The following DMBX1 variants were observed in gnomAD, a reference collection of about 807,000 sequenced individuals.
DMBX1 encodes the protein diencephalon/mesencephalon homeobox protein 1.
A neutral mutation model predicts 30.4 loss-of-function variants in DMBX1; 7 were observed. That is an observed-to-expected ratio of 0.23 (90% CI 0.13 to 0.43). DMBX1 has a LOEUF of 0.43. Ranked by LOEUF, DMBX1 falls within the 20% of genes least tolerant of loss-of-function variation. The probability of loss-of-function intolerance (pLI) is 1.00; values close to 1 mark genes in which losing one functional copy is unlikely to be tolerated. For synonymous variants in DMBX1, 222 were observed against 214.2 expected (o/e 1.04, Z -0.32); for missense variants, 460 against 508.5 (o/e 0.90, Z 0.92).
rs1666478975 is a variant in DMBX1, at chr1:46,515,785, C to G, written c.*3291C>G. ...CCCCTCCCAGGCCTGCTGGGCCAACCTGGGCCTGAAAGCCAGAGGCTCAAG... is the reference window on the plus strand; with the variant it reads ...CCCCTCCCAGGCCTGCTGGGCCAACGTGGGCCTGAAAGCCAGAGGCTCAAG... On this transcript the variant is annotated 3_prime_UTR_variant, in exon 6 of 6. Transcript: ENST00000360032. 6.6e-6 allele frequency among the ~76,000 whole-genome samples: 1 copy of G among 152,264 alleles called. No individual in the cohort carries two copies. The highest frequency in any genetic ancestry group is 1.5e-5 in the Non-Finnish European group (1 of 68,042).
intron 2 of DMBX1, among the ~76,000 whole-genome samples, chr1:46,496,024 C>A (rs1232919203): frequency 1.3e-5 from 2 of 152,210 alleles, no homozygotes; most frequent in Non-Finnish European, 2.9e-5. Context: ...GCCTGGCCCA[C>A]CCCACCCTCT....
chr1:46,509,344 C>T (rs1264578949), intron 3 of DMBX1, among the ~76,000 whole-genome samples: 2 of 152,108 alleles, frequency 1.3e-5, no homozygotes, highest in African/African-American at 2.4e-5. Flanking sequence ...GGATTACAGG[C>T]GTGAGCCACT....
At chr1:46,503,615 T>G (rs567640651) in intron 2 of DMBX1, among the ~76,000 whole-genome samples, 68 of 152,338 alleles carry the variant, frequency 4.5e-4, no homozygotes, top group Non-Finnish European at 1.9e-4. Context: ...GTGAATGCCT[T>G]GCCAAGAATG....
At chr1:46,495,772 A>G (rs766418577) in intron 2 of DMBX1, among the ~76,000 whole-genome samples, 4 of 152,170 alleles carry the variant, frequency 2.6e-5, no homozygotes, top group Non-Finnish European at 4.4e-5. Flanking sequence ...TCCTGGAGAA[A>G]GGCGTGTGCA....
intron 2 of DMBX1, among the ~76,000 whole-genome samples, chr1:46,504,332 G>A (rs538149576): frequency 8.5e-4 from 125 of 147,174 alleles, no homozygotes; most frequent in African/African-American, 3.1e-3. Context: ...TTCTTCTAGG[G>A]TTTTTATGGT....
rs2148494180 is a variant in DMBX1 at position 46,514,962 on chromosome 1, C to G, written c.*2468C>G. Among the ~76,000 whole-genome samples the G allele has an allele frequency of 6.6e-6, 1 of 152,252 alleles. No homozygotes were observed. Among genetic ancestry groups the G allele is most frequent in the Admixed American group, 6.5e-5 (1 of 15,292 alleles). On this transcript the variant is annotated 3_prime_UTR_variant, in exon 6 of 6. Coordinates refer to ENST00000360032, the MANE Select transcript of DMBX1 (RefSeq NM_172225.2). Reference sequence around the variant, plus strand: ...TCAGTAGACCATGGGAAGGGGGTGGCTGGCTTCACGAGAGGTGGGGCTAAG... The same window carrying G: ...TCAGTAGACCATGGGAAGGGGGTGGGTGGCTTCACGAGAGGTGGGGCTAAG...
At chr1:46,495,522 C>T (rs1231599509) in intron 2 of DMBX1, among the ~76,000 whole-genome samples, 1 of 152,164 alleles carries the variant, frequency 6.6e-6, no homozygotes, top group Non-Finnish European at 1.5e-5. Flanking sequence ...AAATGAGATG[C>T]TGCCAGTCAG....
At chr1:46,506,591 T>G (rs1353846019) in intron 2 of DMBX1, among the ~76,000 whole-genome samples, 3 of 152,234 alleles carry the variant, frequency 2.0e-5, no homozygotes. Flanking sequence ...TATGATCCAG[T>G]CCTTTGTAAA....
Position 46,515,179 on chromosome 1 carries a change from G to A in DMBX1, c.*2685G>A, listed in dbSNP as rs1666467089. Among the ~76,000 whole-genome samples the A allele has an allele frequency of 6.6e-6, 1 of 152,204 alleles. No individual in the cohort carries two copies. The highest frequency in any genetic ancestry group is 6.5e-5 in the Admixed American group (1 of 15,274). ...TTGGCAGATTCCAGGAGTGACAGAG[G>A]AGGTTTTTGGTTTGGGAGGGATTTT... On this transcript the variant is annotated 3_prime_UTR_variant, in exon 6 of 6. Transcript: ENST00000360032.
intron 2 of DMBX1, among the ~76,000 whole-genome samples, chr1:46,505,606 TG>T (rs376046881): frequency 0.066 from 8,943 of 136,426 alleles, 673 homozygotes; most frequent in African/African-American, 0.19. Context: ...GTTGTGGGGT[TG>T]GGGGACGGGG....
At chr1:46,503,296 T>G (rs773976042) in intron 2 of DMBX1, among the ~76,000 whole-genome samples, 45 of 152,242 alleles carry the variant, frequency 3.0e-4, no homozygotes, top group Non-Finnish European at 4.4e-5. Context: ...CCTCTTGTCA[T>G]TCTCCTCCTC....
intron 2 of DMBX1, among the ~76,000 whole-genome samples, chr1:46,504,573 T>A (rs1334921463): frequency 6.8e-6 from 1 of 146,520 alleles, no homozygotes; most frequent in African/African-American, 2.5e-5. Context: ...CATTGATCTA[T>A]ATCTCTGTTT....
Position 46,511,274 on chromosome 1 carries a change from C to T in DMBX1, c.673C>T (p.Pro225Ser). The T allele has an allele frequency of 6.3e-7, 1 of 1,586,856 alleles. No individual in the cohort carries two copies. The part of the protein sequence containing the change: ...SKGLGCKRGS[P>S]KADSPGSLTI... ...GGGGCTGGGCTGCAAGAGGGGCAGC[C>T]CCAAGGCAGGTGAGGTCTGAGGGGT... Residue 225 changes from proline (P) to serine (S), a missense_variant, in exon 5 of 6, where the codon CCC becomes TCC. Physicochemically the swap from Pro to Ser is moderately conservative, Grantham distance 74. Around this residue, in one of 3 missense-constraint regions of DMBX1, gnomAD observed 334 missense variants for 345.1 expected, o/e 0.97. Transcript: ENST00000360032.
chr1:46,499,064 C>T (rs1387692117), intron 2 of DMBX1, among the ~76,000 whole-genome samples: 2 of 150,526 alleles, frequency 1.3e-5, no homozygotes, highest in African/African-American at 2.4e-5. Context: ...TTTTTTGAGA[C>T]CGAGTCTCAC....
chr1:46,502,797 C>T (rs1198052818), intron 2 of DMBX1, among the ~76,000 whole-genome samples: 1 of 152,104 alleles, frequency 6.6e-6, no homozygotes, highest in African/African-American at 2.4e-5. Flanking sequence ...GGAGGACTGC[C>T]TGAGCCCCAG....
Position 46,491,803 on chromosome 1 carries a change from GA to G in DMBX1, c.-13+1023del, listed in dbSNP as rs201993337. ...ACATCCCTGGTTCTCCCCTCGAATG[GA>G]AAGGCACTCTGGCCTAAGGACGAAT... On this transcript the variant is annotated intron_variant, in intron 2 of 5. Transcript: ENST00000360032. The surrounding 1 kb of genome is among the most constrained non-coding windows in gnomAD (Gnocchi z 5.5). Among the ~76,000 whole-genome samples, 2,923 of 152,264 alleles carry G rather than the reference GA, an allele frequency of 0.019. 40 individuals carry two copies. The highest frequency in any genetic ancestry group is 0.058 in the Middle Eastern group (17 of 294).
intron 1 of DMBX1, among the ~76,000 whole-genome samples, 155 bp from the exon 2 acceptor site, chr1:46,490,489 C>A (rs1292976179): frequency 1.3e-5 from 2 of 152,072 alleles, no homozygotes; most frequent in Admixed American, 1.3e-4. Flanking sequence ...AGTTGCGGAG[C>A]CCTGGGCGGG....
chr1:46,490,719 A>G lies in DMBX1; in HGVS notation c.-77A>G, dbSNP rs1245661190. Among the ~76,000 whole-genome samples the G allele has an allele frequency of 2.0e-5, 3 of 152,214 alleles. No homozygotes were observed. Among genetic ancestry groups the G allele is most frequent in the African/African-American group, 7.2e-5 (3 of 41,442 alleles). On this transcript the variant is annotated 5_prime_UTR_variant, in exon 2 of 6. An upstream open reading frame in the 5' UTR loses its in-frame stop. Transcript: ENST00000360032. The stretch of plus-strand genomic sequence containing the variant: ...CGATTCTGCACGAATTTTCCAGTTG[A>G]GGGTGGTTCGGCGCTCAGCCAGCCT...
In DMBX1 at chr1:46,507,109, T is replaced by C. The variant is rs981939829; in HGVS notation, c.99T>C (p.His33=). The C allele has an allele frequency of 6.2e-7, 1 of 1,614,206 alleles. No individual in the cohort carries two copies. Among genetic ancestry groups the C allele is most frequent in the Admixed American group, 1.7e-5 (1 of 60,026 alleles). The part of the protein sequence containing the change: ...LHQQAAQQAQ[H]APDYRPSVHA... ...AGCAGGCAGCCCAGCAGGCCCAGCA[T>C]GCCCCCGACTACCGGCCTTCAGTGC... The change falls in exon 3 of 6, where the codon CAT becomes CAC. Residue 33 remains histidine, a synonymous_variant. Transcript: ENST00000360032.
Sources: allele counts gnomAD v4.1 joint callset (sites outside exome capture counted in the v4.1 genomes callset), GRCh38; gene constraint gnomAD v4.1.1; regional missense constraint gnomAD v4.1.1; non-coding constraint Gnocchi (gnomAD v3.1); transcripts MANE v1.5; gene names NCBI Gene and HGNC (gene_info 2026-07-23, HGNC 2026-07-21).